FSHR: variants seen among roughly 807,000 people sequenced by gnomAD.
FSHR encodes follicle stimulating hormone receptor, also known as follicle-stimulating hormone receptor.
A neutral mutation model predicts 52.1 loss-of-function variants in FSHR; 46 were observed. The observed-to-expected ratio is 0.88, with a 90% confidence interval of 0.70 to 1.13. FSHR has a LOEUF of 1.13. FSHR is among the 50% of genes most tolerant of loss of function. FSHR has a pLI of 0.00. For synonymous variants in FSHR, 399 were observed against 309.6 expected (o/e 1.29, Z -3.03); for missense variants, 964 against 834.6 (o/e 1.16, Z -1.91).
intron 2 of FSHR, among the ~76,000 whole-genome samples, chr2:49,063,112 T>TA (rs1406300416): frequency 2.0e-5 from 3 of 152,116 alleles, no homozygotes; most frequent in Non-Finnish European, 4.4e-5. Context: ...GGAGAGGCCC[T>TA]AAATGCCCAG....
chr2:48,986,875 G>A (rs1199314763), intron 6 of FSHR, among the ~76,000 whole-genome samples: 4 of 152,054 alleles, frequency 2.6e-5, no homozygotes, highest in African/African-American at 9.7e-5. Context: ...GATACTGTGA[G>A]AACAATATAA....
rs1345639633 is a variant in FSHR, at chr2:49,127,751, TTTCTTCTTCTTCTTCTTCTTC to T, written c.152+26494_152+26514del. On this transcript the variant is annotated intron_variant, in intron 1 of 9. Coordinates refer to ENST00000406846, the MANE Select transcript of FSHR (RefSeq NM_000145.4). ...ATTTGTGCATGATTTCTTCTTCTTC[TTTCTTCTTCTTCTTCTTCTTC>T]TTCTTCTTCTTCTTCTTCTTCTTCT... Among the ~76,000 whole-genome samples, 773 of 77,496 alleles carry T rather than the reference TTTCTTCTTCTTCTTCTTCTTC, an allele frequency of 1.0e-2. 30 individuals carry two copies. Among genetic ancestry groups the T allele is most frequent in the Non-Finnish European group, 0.013 (519 of 40,312 alleles). 50.8% of individuals were successfully genotyped at this position (77,496 alleles called of 152,430 possible).
At chr2:48,986,863 A>T (rs538688954) in intron 6 of FSHR, among the ~76,000 whole-genome samples, 5 of 152,214 alleles carry the variant, frequency 3.3e-5, no homozygotes, top group African/African-American at 1.2e-4. Context: ...AGTCAGATCA[A>T]TGATACTGTG....
chr2:49,024,265 T>A (rs889949730), intron 2 of FSHR, among the ~76,000 whole-genome samples: 1 of 151,812 alleles, frequency 6.6e-6, no homozygotes, highest in Non-Finnish European at 1.5e-5. Context: ...ATCCCAGAAT[T>A]TAAAGTAAAA....
At chr2:49,021,880 T>TAGAGAG (rs1354586601) in intron 2 of FSHR, among the ~76,000 whole-genome samples, 1 of 51,304 alleles carries the variant, frequency 1.9e-5, no homozygotes, top group Non-Finnish European at 3.9e-5. Context: ...TATATATATA[T>TAGAGAG]ATATATAGAG....
At chr2:48,966,727 G>A (rs939858340) in intron 9 of FSHR, among the ~76,000 whole-genome samples, 1 of 152,174 alleles carries the variant, frequency 6.6e-6, no homozygotes, top group African/African-American at 2.4e-5. Flanking sequence ...GTTTGTGTGT[G>A]AATTTGATAA....
intron 4 of FSHR, among the ~76,000 whole-genome samples, chr2:49,000,087 T>C (rs1676188814): frequency 6.6e-6 from 1 of 152,086 alleles, no homozygotes; most frequent in African/African-American, 2.4e-5. Context: ...AAATCAGAAC[T>C]GTATTGGTGA....
chr2:49,069,544 T>A (rs1290247685), intron 1 of FSHR, among the ~76,000 whole-genome samples: 1 of 152,156 alleles, frequency 6.6e-6, no homozygotes, highest in African/African-American at 2.4e-5. Context: ...TCCTCCTAAC[T>A]AGAATTCAAG....
intron 4 of FSHR, among the ~76,000 whole-genome samples, chr2:49,008,374 G>C (rs987838890): frequency 6.8e-6 from 1 of 147,908 alleles, no homozygotes; most frequent in Non-Finnish European, 1.5e-5. Flanking sequence ...TTTTATGGCT[G>C]CATAGCATTC....
chr2:49,143,862 C>T (rs926677099), intron 1 of FSHR, among the ~76,000 whole-genome samples: 1 of 152,060 alleles, frequency 6.6e-6, no homozygotes, highest in African/African-American at 2.4e-5. Flanking sequence ...CTAAAACACT[C>T]AGGGACTGGA....
intron 1 of FSHR, among the ~76,000 whole-genome samples, chr2:49,093,299 G>A (rs919707719): frequency 3.9e-5 from 6 of 152,170 alleles, no homozygotes; most frequent in South Asian, 2.1e-4. Context: ...GTGTTAAAAC[G>A]TCCAAATAGA....
At chr2:49,119,380 GT>G (rs551581462) in intron 1 of FSHR, among the ~76,000 whole-genome samples, 32 of 145,874 alleles carry the variant, frequency 2.2e-4, no homozygotes, top group East Asian at 1.0e-3. Context: ...GATCATCTTT[GT>G]TTTTTTTTTG....
chr2:48,974,584 G>T (rs1674897841), intron 8 of FSHR, among the ~76,000 whole-genome samples: 1 of 152,188 alleles, frequency 6.6e-6, no homozygotes, highest in Non-Finnish European at 1.5e-5. Flanking sequence ...AAGCAAAAGT[G>T]GTTCCTGGAT....
intron 2 of FSHR, among the ~76,000 whole-genome samples, chr2:49,036,419 A>G (rs926696187): frequency 1.3e-5 from 2 of 151,610 alleles, no homozygotes; most frequent in Non-Finnish European, 2.9e-5. Context: ...CCTTATTTAT[A>G]TGGATATATT....
At chr2:48,970,199 T>C (rs1674676984) in intron 8 of FSHR, among the ~76,000 whole-genome samples, 1 of 152,204 alleles carries the variant, frequency 6.6e-6, no homozygotes, top group Non-Finnish European at 1.5e-5. Context: ...TGCTCAAAAA[T>C]TTATAATGGC....
chr2:49,033,401 TG>T (rs1277958817), intron 2 of FSHR, among the ~76,000 whole-genome samples: 2 of 152,228 alleles, frequency 1.3e-5, no homozygotes, highest in Non-Finnish European at 2.9e-5. Flanking sequence ...CAGTTATGGT[TG>T]GTTTTTCTTT....
rs931984886 is a variant in FSHR, at chr2:49,043,276, G to C, written c.225-23116C>G. 4.8e-5 allele frequency among the ~76,000 whole-genome samples: 7 copies of C among 145,290 alleles called. 1 individual carries two copies. The East Asian group carries it at 1.6e-3, about 33-fold the overall frequency. On this transcript the variant is annotated intron_variant, in intron 2 of 9. Coordinates refer to ENST00000406846, the MANE Select transcript of FSHR (RefSeq NM_000145.4). Reference sequence around the variant, plus strand: ...TGCCACTTCTCCTATGTGTGCTTCTGACTGGGGTGGGCAGGGTAGGGGGTG... The same window carrying C: ...TGCCACTTCTCCTATGTGTGCTTCTCACTGGGGTGGGCAGGGTAGGGGGTG...
At chr2:49,057,216 A>G (rs1298497389) in intron 2 of FSHR, among the ~76,000 whole-genome samples, 1 of 152,164 alleles carries the variant, frequency 6.6e-6, no homozygotes. Flanking sequence ...CAAGAGATCA[A>G]TGAAATAAAA....
chr2:49,106,162 C>A (rs1300669449), intron 1 of FSHR, among the ~76,000 whole-genome samples: 3 of 152,176 alleles, frequency 2.0e-5, no homozygotes, highest in Admixed American at 6.5e-5. Context: ...CTTCCTGAGA[C>A]CTCAGGCCTG....
Sources: allele counts gnomAD v4.1 joint callset (sites outside exome capture counted in the v4.1 genomes callset), GRCh38; gene constraint gnomAD v4.1.1; transcripts MANE v1.5; gene names NCBI Gene and HGNC (gene_info 2026-07-23, HGNC 2026-07-21).